The following SAMD12 variants were observed in gnomAD, a reference collection of about 807,000 sequenced individuals.
SAMD12 encodes the protein sterile alpha motif domain containing 12.
SAMD12 carries 9 observed loss-of-function variants against 15.0 expected under a neutral mutation model. That is an observed-to-expected ratio of 0.60 (90% CI 0.36 to 1.05). SAMD12 has a LOEUF of 1.05. Ranked by LOEUF, SAMD12 falls within the 50% of genes least tolerant of loss-of-function variation. The probability of loss-of-function intolerance (pLI) is 0.01; values close to 1 mark genes in which losing one functional copy is unlikely to be tolerated. For missense variants in SAMD12, 230 were observed against 234.2 expected (o/e 0.98, Z 0.12); for synonymous variants, 86 against 90.1 (o/e 0.96, Z 0.25).
chr8:118,346,670 G>T (rs965266768), intron 4 of SAMD12, among the ~76,000 whole-genome samples: 1 of 152,164 alleles, frequency 6.6e-6, no homozygotes, highest in African/African-American at 2.4e-5. Flanking sequence ...GAACTCACAG[G>T]ACTCAGCATA....
At chr8:118,226,191 A>G (rs1034085368) in intron 4 of SAMD12, among the ~76,000 whole-genome samples, 48 of 152,192 alleles carry the variant, frequency 3.2e-4, no homozygotes, top group African/African-American at 1.1e-3. Flanking sequence ...ACATGAGGAC[A>G]CTGAGGAATG....
intron 4 of SAMD12, among the ~76,000 whole-genome samples, chr8:118,254,640 G>A (rs767285169): frequency 6.6e-6 from 1 of 151,900 alleles, no homozygotes; most frequent in African/African-American, 2.4e-5. Flanking sequence ...AGTCATGAGA[G>A]TCCCTCTGCT....
chr8:118,252,417 C>T (rs1221761759), intron 4 of SAMD12, among the ~76,000 whole-genome samples: 2 of 152,078 alleles, frequency 1.3e-5, no homozygotes, highest in African/African-American at 4.8e-5. Flanking sequence ...GTGACTTGTC[C>T]GAGGTCCCAC....
At chr8:118,515,162 GC>G (rs1825201595) in intron 2 of SAMD12, among the ~76,000 whole-genome samples, 1 of 148,604 alleles carries the variant, frequency 6.7e-6, no homozygotes, top group Non-Finnish European at 1.5e-5. Context: ...GGGACTATAG[GC>G]GCCCGCCACC....
intron 4 of SAMD12, among the ~76,000 whole-genome samples, chr8:118,266,233 T>C (rs1422231714): frequency 6.6e-6 from 1 of 152,116 alleles, no homozygotes; most frequent in Non-Finnish European, 1.5e-5. Context: ...GTCTGTCCCT[T>C]GACACATGAG....
the SAMD12 span, among the ~76,000 whole-genome samples, chr8:118,157,680 C>T: frequency 7.2e-5 from 11 of 152,256 alleles, no homozygotes; most frequent in East Asian, 1.5e-3. Flanking sequence ...TATTTCGTTA[C>T]TGTTTTTACA....
At chr8:118,510,229 T>TAC (rs933178691) in intron 2 of SAMD12, among the ~76,000 whole-genome samples, 1 of 150,892 alleles carries the variant, frequency 6.6e-6, no homozygotes, top group African/African-American at 2.4e-5. Flanking sequence ...CACACACACA[T>TAC]ACACACAAAC....
intron 1 of SAMD12, among the ~76,000 whole-genome samples, chr8:118,616,560 C>T (rs1828244349): frequency 1.3e-5 from 2 of 152,302 alleles, no homozygotes; most frequent in South Asian, 4.1e-4. Flanking sequence ...CCTCTTTACC[C>T]TCTGGGTCCT....
exon 5 of SAMD12, chr8:118,197,248 A>T (rs1367838143): frequency 5.6e-6 from 1 of 178,932 alleles, no homozygotes; most frequent in Non-Finnish European, 1.2e-5. Context: ...ACGTGTTTAC[A>T]TTCCTACCAG....
At chr8:118,366,589 G>T (rs957409623) in intron 4 of SAMD12, among the ~76,000 whole-genome samples, 1 of 151,930 alleles carries the variant, frequency 6.6e-6, no homozygotes, top group Admixed American at 6.6e-5. Flanking sequence ...AAGGTGGGTG[G>T]ATCACCTGAG....
At chr8:118,545,126 T>C (rs1335401689) in intron 2 of SAMD12, among the ~76,000 whole-genome samples, 1 of 152,160 alleles carries the variant, frequency 6.6e-6, no homozygotes, top group Non-Finnish European at 1.5e-5. Flanking sequence ...TATGTGTGTG[T>C]GCATGTATAC....
chr8:118,614,008 T>C (rs548534594), intron 1 of SAMD12, among the ~76,000 whole-genome samples: 1 of 152,356 alleles, frequency 6.6e-6, no homozygotes, highest in African/African-American at 2.4e-5. Flanking sequence ...CATTTTAAGC[T>C]GAGGATGCCT....
chr8:118,512,905 C>T (rs1825125730), intron 2 of SAMD12, among the ~76,000 whole-genome samples: 1 of 152,188 alleles, frequency 6.6e-6, no homozygotes, highest in Admixed American at 6.5e-5. Flanking sequence ...GATTCCTCTT[C>T]TGCAAAGCTC....
the SAMD12 span, among the ~76,000 whole-genome samples, chr8:118,169,447 C>G: frequency 6.6e-6 from 1 of 152,198 alleles, no homozygotes; most frequent in African/African-American, 2.4e-5. Flanking sequence ...GCTTTCCCTA[C>G]AGATGCAATT....
At chr8:118,502,378 T>G (rs183132060) in intron 2 of SAMD12, among the ~76,000 whole-genome samples, 94 of 152,330 alleles carry the variant, frequency 6.2e-4, no homozygotes, top group Admixed American at 5.9e-3. Context: ...TGCATATTAT[T>G]AGCATTACTA....
chr8:118,433,658 C>A (rs1822488720), intron 3 of SAMD12, among the ~76,000 whole-genome samples: 1 of 152,006 alleles, frequency 6.6e-6, no homozygotes, highest in South Asian at 2.1e-4. Flanking sequence ...TTAGGAGAAA[C>A]AACTTATGTT....
At chr8:118,151,300 G>T in the SAMD12 span, among the ~76,000 whole-genome samples, 3 of 151,888 alleles carry the variant, frequency 2.0e-5, no homozygotes, top group African/African-American at 4.8e-5. Context: ...TGAGCTTCTT[G>T]GGTGTGTAAG....
intron 1 of SAMD12, among the ~76,000 whole-genome samples, chr8:118,584,469 G>T (rs1827379552): frequency 2.0e-5 from 3 of 152,036 alleles, no homozygotes; most frequent in Admixed American, 2.0e-4. Flanking sequence ...TCACTGGTCG[G>T]CTTCGAGACC....
At chr8:118,596,885 G>A (rs1477750423) in intron 1 of SAMD12, among the ~76,000 whole-genome samples, 1 of 152,178 alleles carries the variant, frequency 6.6e-6, no homozygotes, top group Non-Finnish European at 1.5e-5. Context: ...TTGTAAAACT[G>A]CACACAGAGC....
Sources: gnomAD v4.1 joint callset for allele counts (sites outside exome capture counted in the v4.1 genomes callset) on GRCh38, gnomAD v4.1.1 for gene constraint, MANE v1.5 for transcripts, NCBI Gene and HGNC (gene_info 2026-07-23, HGNC 2026-07-21) for gene names.